Variants in EPB41L1 observed in about 807,000 individuals in gnomAD.
EPB41L1 encodes band 4.1-like protein 1.
A neutral mutation model predicts 97.8 loss-of-function variants in EPB41L1; 29 were observed. The ratio of observed to expected loss-of-function variants is 0.30; its 90% confidence interval spans 0.22 to 0.40. The LOEUF (loss-of-function observed/expected upper bound fraction) is 0.40. Among genes scored for constraint, EPB41L1 ranks in the 10% least tolerant of loss-of-function variants. The probability of loss-of-function intolerance (pLI) is 1.00; values close to 1 mark genes in which losing one functional copy is unlikely to be tolerated. For synonymous variants in EPB41L1, 383 were observed against 459.2 expected, an observed-to-expected ratio of 0.83 and a Z score of 2.12; for missense variants, 812 against 1,162.3, an observed-to-expected ratio of 0.70 and a Z score of 4.38.
chr20:36,205,838 T>A (rs762054240), intron 14 of EPB41L1: 115 of 1,276,130 alleles, frequency 9.0e-5, no homozygotes, highest in Admixed American at 8.1e-4. Flanking sequence ...CTTGCTCCAA[T>A]TGAAACACAG....
intron 6 of EPB41L1, among the ~76,000 whole-genome samples, chr20:36,184,274 A>T (rs1394439199): frequency 6.6e-6 from 1 of 152,184 alleles, no homozygotes; most frequent in Non-Finnish European, 1.5e-5. Context: ...CAGTTGAAAA[A>T]AAATGGTGAA....
At chr20:36,109,573 TG>T (rs2058319928) in intron 1 of EPB41L1, 2 of 152,160 alleles carry the variant, frequency 1.3e-5, no homozygotes, top group African/African-American at 2.4e-5. Flanking sequence ...AAGGGGACAT[TG>T]GCCAGAGGGG....
chr20:36,211,969 G>A (rs1191714492), intron 15 of EPB41L1, among the ~76,000 whole-genome samples: 1 of 152,210 alleles, frequency 6.6e-6, no homozygotes, highest in Non-Finnish European at 1.5e-5. Context: ...CATAGAGTAT[G>A]TTAATGAAAT....
chr20:36,193,274 G>A (rs1407709762), intron 11 of EPB41L1, among the ~76,000 whole-genome samples: 1 of 152,182 alleles, frequency 6.6e-6, no homozygotes, highest in Non-Finnish European at 1.5e-5. Flanking sequence ...CCCTCTTGAT[G>A]TCTCCAGTCA....
intron 15 of EPB41L1, among the ~76,000 whole-genome samples, chr20:36,210,614 G>GT (rs796935603): frequency 2.2e-3 from 333 of 151,586 alleles, no homozygotes; most frequent in Middle Eastern, 6.8e-3. Flanking sequence ...CTCTGAGCAG[G>GT]TTTTTTTTTC....
intron 1 of EPB41L1, among the ~76,000 whole-genome samples, chr20:36,170,448 G>A (rs761014720): frequency 3.9e-5 from 6 of 152,038 alleles, no homozygotes; most frequent in Non-Finnish European, 7.4e-5. Context: ...ACAAACTATT[G>A]TGTATCATGC....
intron 1 of EPB41L1, among the ~76,000 whole-genome samples, chr20:36,111,234 G>C (rs1277396312): frequency 6.6e-6 from 1 of 152,198 alleles, no homozygotes; most frequent in African/African-American, 2.4e-5. Context: ...AGTTACTCCA[G>C]AGCCTAAGCT....
chr20:36,173,983 T>G, intron 2 of EPB41L1, 29 bp downstream of exon 2: 1 of 1,597,280 alleles, frequency 6.3e-7, no homozygotes. Context: ...GGGCGTACCT[T>G]TCCTGCCCAG....
rs370703175 is a variant in EPB41L1, at chr20:36,206,941, C to T, written c.1669-2547C>T. 7.8e-7 allele frequency: 1 copy of T among 1,289,832 alleles called. No individual in the cohort carries two copies. Among genetic ancestry groups the T allele is most frequent in the African/African-American group, 1.5e-5 (1 of 65,890 alleles). The allele number at this position is 1,289,832 out of a possible 1,614,324, so 79.9% of individuals were successfully genotyped here. ...GGCCTGCGCCCTTCCTCGGGCCATCCCTCTGAATGTCAGGAAGCCAGTCAA... is the reference window on the plus strand; with the variant it reads ...GGCCTGCGCCCTTCCTCGGGCCATCTCTCTGAATGTCAGGAAGCCAGTCAA... On this transcript the variant is annotated intron_variant, in intron 14 of 21. Transcript: ENST00000338074. This position sits in a 1 kb window ranked among gnomAD's most constrained non-coding sequence, Gnocchi z 5.5.
chr20:36,161,070 C>T (rs2060506051), intron 1 of EPB41L1, among the ~76,000 whole-genome samples: 1 of 152,224 alleles, frequency 6.6e-6, no homozygotes, highest in African/African-American at 2.4e-5. Context: ...GCTGCTTCTC[C>T]CTTCTCCTGT....
chr20:36,169,042 A>G (rs2060861383), intron 1 of EPB41L1, among the ~76,000 whole-genome samples: 1 of 150,454 alleles, frequency 6.6e-6, no homozygotes, highest in East Asian at 2.1e-4. Context: ...CCTGGCCAAG[A>G]TGGTGAAACC....
chr20:36,142,109 C>CAAAAAAAAAAAA (rs578232990), intron 2 of EPB41L1, among the ~76,000 whole-genome samples: 1 of 58,828 alleles, frequency 1.7e-5, no homozygotes, highest in African/African-American at 6.4e-5. Flanking sequence ...AACTCCATCT[C>CAAAAAAAAAAAA]AAAAAAAAAA....
intron 2 of EPB41L1, among the ~76,000 whole-genome samples, chr20:36,129,146 G>C (rs1448220168): frequency 1.3e-5 from 2 of 152,134 alleles, no homozygotes; most frequent in Non-Finnish European, 2.9e-5. Flanking sequence ...CAGCATGGGT[G>C]GGGGTGAGGG....
intron 17 of EPB41L1, 39 bp from the exon 18 acceptor site, chr20:36,218,837 G>A (rs746875333): frequency 2.4e-5 from 38 of 1,604,804 alleles, no homozygotes; most frequent in East Asian, 4.5e-5. Flanking sequence ...GGGCCCACCC[G>A]GCTGAGAGCT....
chr20:36,223,131 C>T (rs1157157154), intron 21 of EPB41L1, among the ~76,000 whole-genome samples: 1 of 152,228 alleles, frequency 6.6e-6, no homozygotes, highest in Non-Finnish European at 1.5e-5. Flanking sequence ...CCCCTGACCT[C>T]GGGTGATCTG....
chr20:36,226,844 GAAT>G (rs1273201551), intron 21 of EPB41L1, among the ~76,000 whole-genome samples: 1 of 152,082 alleles, frequency 6.6e-6, no homozygotes, highest in Non-Finnish European at 1.5e-5. Flanking sequence ...CACATACCCA[GAAT>G]AATGATTACA....
chr20:36,119,606 C>G (rs2058686872), intron 2 of EPB41L1, among the ~76,000 whole-genome samples: 1 of 127,950 alleles, frequency 7.8e-6, no homozygotes, highest in Admixed American at 1.0e-4. Flanking sequence ...CGAAAGAAAG[C>G]AAGAAAGCAG....
At chr20:36,188,641 C>CACACAG (rs1170858082) in intron 9 of EPB41L1, 142 bp downstream of exon 9, 163 of 272,178 alleles carry the variant, frequency 6.0e-4, no homozygotes, top group East Asian at 3.0e-3. Context: ...CACACACACA[C>CACACAG]AGAGAGAGAG....
Position 36,175,544 on chromosome 20 carries a change from C to T in EPB41L1, c.178-7C>T. On this transcript the variant is annotated splice_polypyrimidine_tract_variant and splice_region_variant and intron_variant, in intron 2 of 21. Coordinates refer to ENST00000338074, the MANE Select transcript of EPB41L1 (RefSeq NM_012156.2). ...TGAGCAAACTATTCCCTTGCTTGGTCCTGCAGAGCCTAGACATGGAGGAGA... is the reference window on the plus strand; with the variant it reads ...TGAGCAAACTATTCCCTTGCTTGGTTCTGCAGAGCCTAGACATGGAGGAGA... 6.2e-7 allele frequency: 1 copy of T among 1,614,170 alleles called. No individual in the cohort carries two copies. The highest frequency in any genetic ancestry group is 8.5e-7 in the Non-Finnish European group (1 of 1,180,024).
Sources: gnomAD v4.1 joint callset for allele counts (sites outside exome capture counted in the v4.1 genomes callset) on GRCh38, gnomAD v4.1.1 for gene constraint, Gnocchi (gnomAD v3.1) non-coding constraint, MANE v1.5 for transcripts, NCBI Gene and HGNC (gene_info 2026-07-23, HGNC 2026-07-21) for gene names.